Variants in SENP7 observed in about 807,000 individuals in gnomAD.
SENP7 encodes the protein sentrin-specific protease 7.
SENP7 carries 64 observed loss-of-function variants against 141.2 expected under a neutral mutation model. The ratio of observed to expected loss-of-function variants is 0.45; its 90% CI spans 0.37 to 0.56. The LOEUF (loss-of-function observed/expected upper bound fraction) is 0.56, where lower values mean the gene tolerates loss of function less well. Among genes scored for constraint, SENP7 ranks in the 20% least tolerant of loss-of-function variants. SENP7 has a pLI of 0.00. For missense variants in SENP7, 1,025 were observed against 1,212.2 expected (o/e 0.85, Z 2.29); for synonymous variants, 382 against 426.4 (o/e 0.90, Z 1.28).
At chr3:101,425,598 C>T (rs922491674) in intron 4 of SENP7, among the ~76,000 whole-genome samples, 1 of 152,158 alleles carries the variant, frequency 6.6e-6, no homozygotes, top group Admixed American at 6.5e-5. Flanking sequence ...TCAAAAAGCC[C>T]GAGTGCCTTC....
chr3:101,512,800 C>A (rs1167912951), intron 1 of SENP7, among the ~76,000 whole-genome samples: 1 of 152,106 alleles, frequency 6.6e-6, no homozygotes, highest in Admixed American at 6.5e-5. Flanking sequence ...ACAAGCCAAC[C>A]GGGAAGATCC....
intron 3 of SENP7, among the ~76,000 whole-genome samples, chr3:101,469,248 T>C (rs2063882704): frequency 6.6e-6 from 1 of 151,976 alleles, no homozygotes; most frequent in Admixed American, 6.6e-5. Context: ...CCCAGATTCA[T>C]AAAGCAAGTC....
rs74658837 is a variant in SENP7 at position 101,340,923 on chromosome 3, C to T, written c.2241-712G>A. Among the ~76,000 whole-genome samples the T allele has an allele frequency of 1.8e-3, 281 of 152,258 alleles. No individual in the cohort carries two copies. The East Asian group carries it at 0.035, about 19-fold the overall frequency. On this transcript the variant is annotated intron_variant, in intron 15 of 23. Transcript: ENST00000394095. ...TAATCTTGGAATAGGTAGAGCAGTA[C>T]TCAATGAAAAATGTAGTCAGTAATG... is the stretch of plus-strand genomic sequence containing the variant.
chr3:101,435,525 T>C (rs2062352921), intron 4 of SENP7, among the ~76,000 whole-genome samples: 1 of 152,030 alleles, frequency 6.6e-6, no homozygotes, highest in Non-Finnish European at 1.5e-5. Flanking sequence ...GATCCAATGT[T>C]TGGAAAAACC....
chr3:101,333,858 C>T (rs1472262647), intron 17 of SENP7, among the ~76,000 whole-genome samples: 1 of 152,142 alleles, frequency 6.6e-6, no homozygotes, highest in African/African-American at 2.4e-5. Flanking sequence ...GCAGCAGTCC[C>T]CAACCTTTTT....
At chr3:101,408,382 T>C (rs1264191161) in intron 5 of SENP7, among the ~76,000 whole-genome samples, 1 of 152,104 alleles carries the variant, frequency 6.6e-6, no homozygotes, top group African/African-American at 2.4e-5. Flanking sequence ...CCAATCCTAT[T>C]GACACTATTC....
At chr3:101,457,175 A>G in intron 4 of SENP7, 2 of 1,109,436 alleles carry the variant, frequency 1.8e-6, no homozygotes, top group Non-Finnish European at 2.7e-6. Flanking sequence ...CTTAAAAAGT[A>G]GTCATAATAT....
At chr3:101,403,198 G>T (rs1166784013) in intron 5 of SENP7, among the ~76,000 whole-genome samples, 3 of 152,170 alleles carry the variant, frequency 2.0e-5, no homozygotes, top group Non-Finnish European at 4.4e-5. Context: ...CACAAATTTT[G>T]TGGCTTCCTA....
intron 7 of SENP7, among the ~76,000 whole-genome samples, chr3:101,369,374 C>G (rs1455568563): frequency 1.3e-5 from 2 of 152,142 alleles, no homozygotes; most frequent in African/African-American, 4.8e-5. Flanking sequence ...CTTGCTTTTA[C>G]TGTAGCTTCA....
intron 6 of SENP7, among the ~76,000 whole-genome samples, chr3:101,373,602 T>C (rs1324956203): frequency 6.6e-6 from 1 of 152,160 alleles, no homozygotes; most frequent in African/African-American, 2.4e-5. Context: ...CATTAAAAGT[T>C]ATATGGTTGT....
intron 6 of SENP7, among the ~76,000 whole-genome samples, chr3:101,385,840 TAA>T (rs1241925030): frequency 6.6e-6 from 1 of 151,956 alleles, no homozygotes; most frequent in Non-Finnish European, 1.5e-5. Context: ...CTGTAAAAAC[TAA>T]AAAAGGTAGC....
Position 101,356,041 on chromosome 3 carries a change from AT to A in SENP7, c.1624-4391del, listed in dbSNP as rs916772060. ...CTGTTGGTGTATATGAGTGCTAGTGATTTTTTTTTAATGTACTGCATTTTAT... is the reference window on the plus strand; with the variant it reads ...CTGTTGGTGTATATGAGTGCTAGTGATTTTTTTTAATGTACTGCATTTTAT... On this transcript the variant is annotated intron_variant, in intron 11 of 23. Coordinates refer to ENST00000394095, the MANE Select transcript of SENP7 (RefSeq NM_020654.5). Among the ~76,000 whole-genome samples the A allele has an allele frequency of 8.7e-4, 131 of 151,180 alleles. 1 individual carries two copies. Among genetic ancestry groups the A allele is most frequent in the Middle Eastern group, 3.4e-3 (1 of 292 alleles).
intron 6 of SENP7, among the ~76,000 whole-genome samples, chr3:101,376,576 T>C (rs993528167): frequency 4.6e-5 from 7 of 151,842 alleles, no homozygotes; most frequent in Admixed American, 6.6e-5. Context: ...TAGGTGGGAA[T>C]TGAACAATGA....
intron 5 of SENP7, among the ~76,000 whole-genome samples, chr3:101,412,518 T>C (rs1334311550): frequency 6.6e-6 from 1 of 152,128 alleles, no homozygotes; most frequent in Admixed American, 6.5e-5. Context: ...CAAATAGTTT[T>C]ACCATCACAT....
chr3:101,333,802 A>G (rs1449108461), intron 17 of SENP7, among the ~76,000 whole-genome samples: 3 of 152,178 alleles, frequency 2.0e-5, no homozygotes, highest in African/African-American at 7.2e-5. Flanking sequence ...AAACTATAAC[A>G]AATAACTAAA....
chr3:101,468,979 G>A (rs897003447), intron 3 of SENP7, among the ~76,000 whole-genome samples: 1 of 152,078 alleles, frequency 6.6e-6, no homozygotes, highest in African/African-American at 2.4e-5. Context: ...CATCTCACAT[G>A]CAAAGACGCA....
chr3:101,429,318 T>A (rs1040608121), intron 4 of SENP7, among the ~76,000 whole-genome samples: 1 of 152,198 alleles, frequency 6.6e-6, no homozygotes, highest in Non-Finnish European at 1.5e-5. Context: ...ATTCTTCCTA[T>A]CCATGAGCAT....
rs143055550 is a variant in SENP7 at position 101,337,529 on chromosome 3, T to A, written c.2460A>T (p.Thr820=). ...KCLTRKENNL[T]EDNPNLSMAQ... ...CTTACGAAAGATTTGGATTATCTTC[T>A]GTTAAATTATTTTCCTTTCTTGTCA... The change falls in exon 17 of 24, where the codon ACA becomes ACT. Residue 820 remains threonine (T), a synonymous_variant. Transcript: ENST00000394095. The A allele has an allele frequency of 3.1e-5, 48 of 1,545,864 alleles. No homozygotes were observed. Among genetic ancestry groups the A allele is most frequent in the Non-Finnish European group, 3.9e-5 (44 of 1,124,624 alleles).
intron 6 of SENP7, among the ~76,000 whole-genome samples, chr3:101,384,525 A>G (rs985876844): frequency 6.6e-6 from 1 of 152,242 alleles, no homozygotes; most frequent in South Asian, 2.1e-4. Flanking sequence ...CACTTGCAGT[A>G]CGACTGGTCC....
Sources: allele counts gnomAD v4.1 joint callset (sites outside exome capture counted in the v4.1 genomes callset), GRCh38; gene constraint gnomAD v4.1.1; transcripts MANE v1.5; gene names NCBI Gene and HGNC (gene_info 2026-07-23, HGNC 2026-07-21).